The following PCED1B variants were observed in gnomAD, a reference collection of about 807,000 sequenced individuals.
PCED1B encodes the protein PC-esterase domain-containing protein 1B.
For synonymous variants in PCED1B, 251 were observed against 246.1 expected (o/e 1.02, Z -0.19); for missense variants, 573 against 573.9 (o/e 1.00, Z 0.02).
Position 47,201,881 on chromosome 12 carries a change from T to C in PCED1B, c.-525-14341T>C, listed in dbSNP as rs186839682. Among the ~76,000 whole-genome samples the C allele has an allele frequency of 2.0e-5, 3 of 152,300 alleles. No individual in the cohort carries two copies. In the East Asian group the frequency reaches 5.8e-4, roughly 29 times the overall value. On this transcript the variant is annotated intron_variant, in intron 2 of 3. Transcript: ENST00000546455. ...TCTCGAAGTGCTGGAATTACAGGCA[T>C]GAGCCAATGCACCAGGCCTGGAAGC...
chr12:47,138,554 A>G (rs187336479), intron 2 of PCED1B, among the ~76,000 whole-genome samples: 1 of 152,302 alleles, frequency 6.6e-6, no homozygotes, highest in African/African-American at 2.4e-5. Flanking sequence ...AAGATTCTAT[A>G]TGTTCCTGGC....
chr12:47,081,310 C>T (rs552976598), intron 1 of PCED1B, among the ~76,000 whole-genome samples: 10 of 152,254 alleles, frequency 6.6e-5, no homozygotes, highest in African/African-American at 2.2e-4. Context: ...CTCCCCTCCC[C>T]CGCGCACCTT....
At chr12:47,222,982 A>G (rs149038871) in intron 3 of PCED1B, among the ~76,000 whole-genome samples, 5 of 152,332 alleles carry the variant, frequency 3.3e-5, no homozygotes, top group African/African-American at 1.2e-4. Flanking sequence ...AAATAGGGAC[A>G]TAGGGTTACC....
chr12:47,159,362 C>G (rs1464249199), intron 2 of PCED1B, among the ~76,000 whole-genome samples: 1 of 152,122 alleles, frequency 6.6e-6, no homozygotes, highest in African/African-American at 2.4e-5. Flanking sequence ...ATATTCCTAC[C>G]TACAGTGTAT....
At chr12:47,123,767 C>G (rs1434273255) in intron 2 of PCED1B, among the ~76,000 whole-genome samples, 2 of 151,996 alleles carry the variant, frequency 1.3e-5, no homozygotes, top group African/African-American at 4.8e-5. Flanking sequence ...ATTATACTTT[C>G]ATTTTACAAA....
Position 47,217,444 on chromosome 12 carries a change from G to GAAAGAA in PCED1B, c.-58+757_-58+762dup, listed in dbSNP as rs1555154976. Among the ~76,000 whole-genome samples, 381 of 80,510 alleles carry GAAAGAA rather than the reference G, an allele frequency of 4.7e-3. 4 individuals carry two copies. The highest frequency in any genetic ancestry group is 0.01 in the Middle Eastern group (2 of 198). 52.8% of individuals were successfully genotyped at this position (80,510 alleles called of 152,430 possible). A position where few individuals can be genotyped will look rare whatever the true frequency, so the allele number is the denominator to read the frequency against. ...CAGAGAAAGAAGAAAAAAAAAGAAAGAAAGAAAGAAAGAAAAAGAAAGAAA... is the reference window on the plus strand; with the variant it reads ...CAGAGAAAGAAGAAAAAAAAAGAAAGAAAGAAAAAGAAAGAAAGAAAAAGAAAGAAA... On this transcript the variant is annotated intron_variant, in intron 3 of 3. Coordinates refer to ENST00000546455, the MANE Select transcript of PCED1B (RefSeq NM_138371.3).
chr12:47,182,674 G>A (rs1942133424), intron 2 of PCED1B, among the ~76,000 whole-genome samples: 1 of 152,096 alleles, frequency 6.6e-6, no homozygotes, highest in South Asian at 2.1e-4. Context: ...AGTAACTCAG[G>A]AGGCAGATTA....
intron 2 of PCED1B, among the ~76,000 whole-genome samples, chr12:47,190,684 G>T (rs1349139317): frequency 6.6e-6 from 1 of 152,216 alleles, no homozygotes. Flanking sequence ...TGTGCTCTCT[G>T]CATGTTATCT....
intron 2 of PCED1B, among the ~76,000 whole-genome samples, chr12:47,143,728 G>A (rs901093306): frequency 3.3e-5 from 5 of 152,024 alleles, no homozygotes; most frequent in Admixed American, 6.5e-5. Flanking sequence ...AAGAAAAACC[G>A]TAAAATTTAC....
chr12:47,234,982 C>T, intron 3 of PCED1B, 25 bp from the exon 4 acceptor site: 1 of 1,355,972 alleles, frequency 7.4e-7, no homozygotes, highest in Non-Finnish European at 1.0e-6. Context: ...GAGTCCCTCC[C>T]AGCCCTTCTC....
At chr12:47,231,963 C>T (rs1176226935) in intron 3 of PCED1B, among the ~76,000 whole-genome samples, 1 of 152,136 alleles carries the variant, frequency 6.6e-6, no homozygotes, top group Non-Finnish European at 1.5e-5. Context: ...CCCAAAGACC[C>T]CTAGACTTTC....
Position 47,236,085 on chromosome 12 carries a change from G to GT in PCED1B, c.1027dup (p.Ser343PhefsTer56), listed in dbSNP as rs749058444. On this transcript the variant is annotated frameshift_variant, in exon 4 of 4. Coordinates refer to ENST00000546455, the MANE Select transcript of PCED1B (RefSeq NM_138371.3). LOFTEE classifies it low-confidence loss of function (END_TRUNC). ...TTCCCACAGGGTCCCCCAGATGCCT[G>GT]TTTTTCCTCAGACCATACTTTCCAG... 1 of 1,614,092 alleles carries GT rather than the reference G, an allele frequency of 6.2e-7. No individual in the cohort carries two copies. Among genetic ancestry groups the GT allele is most frequent in the East Asian group, 2.2e-5 (1 of 44,858 alleles).
chr12:47,115,387 A>G (rs1362037674), intron 2 of PCED1B, among the ~76,000 whole-genome samples: 1 of 152,112 alleles, frequency 6.6e-6, no homozygotes, highest in African/African-American at 2.4e-5. Context: ...TCTGTGGACT[A>G]TCTGGACCCT....
chr12:47,103,140 A>G (rs529243599), intron 1 of PCED1B, among the ~76,000 whole-genome samples: 9 of 152,204 alleles, frequency 5.9e-5, no homozygotes, highest in Non-Finnish European at 1.3e-4. Flanking sequence ...AACATTCTGA[A>G]CTTTTGGCAG....
At chr12:47,085,744 T>TA (rs1937949138) in intron 1 of PCED1B, among the ~76,000 whole-genome samples, 1 of 152,242 alleles carries the variant, frequency 6.6e-6, no homozygotes. Flanking sequence ...ACATATTTCT[T>TA]CTTTTTCCTT....
intron 2 of PCED1B, among the ~76,000 whole-genome samples, chr12:47,143,657 G>A (rs1940678697): frequency 1.3e-5 from 2 of 152,092 alleles, no homozygotes; most frequent in South Asian, 4.1e-4. Flanking sequence ...CATTTTATTT[G>A]AAGCAAGCTA....
chr12:47,200,885 A>C (rs980006607), intron 2 of PCED1B, among the ~76,000 whole-genome samples: 1 of 152,244 alleles, frequency 6.6e-6, no homozygotes, highest in Non-Finnish European at 1.5e-5. Flanking sequence ...ACAGTTGTTC[A>C]TTTAAATTCT....
At chr12:47,087,288 G>T (rs1938035121) in intron 1 of PCED1B, among the ~76,000 whole-genome samples, 1 of 152,132 alleles carries the variant, frequency 6.6e-6, no homozygotes, top group Admixed American at 6.5e-5. Flanking sequence ...CTTATAAAGG[G>T]CTTCAGAGAT....
intron 2 of PCED1B, among the ~76,000 whole-genome samples, chr12:47,124,303 C>T (rs189844330): frequency 2.0e-4 from 31 of 152,060 alleles, no homozygotes; most frequent in African/African-American, 7.0e-4. Flanking sequence ...TTTTTTCACT[C>T]AGCATAATTA....
Sources: allele counts gnomAD v4.1 joint callset (sites outside exome capture counted in the v4.1 genomes callset), GRCh38; gene constraint gnomAD v4.1.1; transcripts MANE v1.5; gene names NCBI Gene and HGNC (gene_info 2026-07-23, HGNC 2026-07-21).